GATA4: variants seen among roughly 807,000 people sequenced by gnomAD.
GATA4 encodes GATA binding protein 4, also known as transcription factor GATA-4.
In GATA4, 7 loss-of-function variants were observed where a neutral mutation model predicts 37.9. The ratio of observed to expected loss-of-function variants is 0.18; its 90% CI spans 0.11 to 0.35. GATA4 has a LOEUF of 0.35. Among genes scored for constraint, GATA4 ranks in the 10% least tolerant of loss-of-function variants. GATA4 has a pLI of 1.00. For synonymous variants in GATA4, 372 were observed against 292.6 expected (o/e 1.27, Z -2.77); for missense variants, 647 against 653.0 (o/e 0.99, Z 0.10).
At chr8:11,697,670 G>T in intron 1 of GATA4, 1 of 985,466 alleles carries the variant, frequency 1.0e-6, no homozygotes, top group Non-Finnish European at 1.2e-6. Context: ...GGGTCTTCGC[G>T]CCTGCGGACC....
At position 11,679,186 on chromosome 8, in the gene GATA4, G is replaced by T. The variant is rs1177689287; in HGVS notation, c.-274+2123G>T. 3.4e-5 allele frequency among the ~76,000 whole-genome samples: 5 copies of T among 146,508 alleles called. No homozygotes were observed. The South Asian group carries it at 1.2e-3, about 34-fold the overall frequency. On this transcript the variant is annotated intron_variant, in intron 1 of 6. Coordinates refer to the GATA4 transcript ENST00000528712. ...CAATTATCCGAATAATTGCGGGGGGGGGCACTTTCGCCTGAATTATCTAGA... is the reference window on the plus strand; with the variant it reads ...CAATTATCCGAATAATTGCGGGGGGTGGCACTTTCGCCTGAATTATCTAGA...
At chr8:11,729,511 G>T (rs1801101247) in intron 2 of GATA4, among the ~76,000 whole-genome samples, 1 of 151,452 alleles carries the variant, frequency 6.6e-6, no homozygotes, top group Admixed American at 6.6e-5. Context: ...AGAGGTTGCT[G>T]TGCCACTGCA....
intron 2 of GATA4, among the ~76,000 whole-genome samples, chr8:11,746,396 C>A (rs1203299183): frequency 2.6e-5 from 4 of 151,908 alleles, no homozygotes; most frequent in Non-Finnish European, 5.9e-5. Context: ...AAAAAGGAAA[C>A]CAGAATGGGA....
At chr8:11,691,306 G>A (rs769500247), upstream of GATA4, among the ~76,000 whole-genome samples, 1 of 152,206 alleles carries the variant, frequency 6.6e-6, no homozygotes, top group South Asian at 2.1e-4. Context: ...GGATCCTGGT[G>A]TTCCCACCCT....
chr8:11,687,790 T>C (rs1387487202), upstream of GATA4, among the ~76,000 whole-genome samples: 1 of 152,182 alleles, frequency 6.6e-6, no homozygotes, highest in East Asian at 1.9e-4. Context: ...ACAGGTTTTA[T>C]TGGGATCCCT....
chr8:11,741,543 T>G (rs1359556744), intron 2 of GATA4, among the ~76,000 whole-genome samples: 5 of 152,118 alleles, frequency 3.3e-5, no homozygotes, highest in Non-Finnish European at 7.4e-5. Context: ...TTCGCGGACT[T>G]AGCTCTATGG....
chr8:11,678,578 G>A (rs1798854902), intron 1 of GATA4, among the ~76,000 whole-genome samples: 1 of 152,136 alleles, frequency 6.6e-6, no homozygotes, highest in African/African-American at 2.4e-5. Flanking sequence ...CTGAGTTAAG[G>A]GAAAGCCGTA....
upstream of GATA4, among the ~76,000 whole-genome samples, chr8:11,703,122 C>T (rs886869821): frequency 1.3e-5 from 2 of 152,100 alleles, no homozygotes; most frequent in Non-Finnish European, 1.5e-5. Context: ...CGACCCCTTC[C>T]CCCATCCCTC....
rs979305928 is a variant in GATA4, at chr8:11,709,581, G to C, written c.616+653G>C. On this transcript the variant is annotated intron_variant, in intron 2 of 6. Coordinates refer to ENST00000532059, the MANE Select transcript of GATA4 (RefSeq NM_001308093.3). The surrounding 1 kb of genome is among the most constrained non-coding windows in gnomAD (Gnocchi z 4.3). ...GGGCGCATCATGCGGGCAGCGGGGG[G>C]GGGGGCGCACACGCCCGGTCAGTGT... Among the ~76,000 whole-genome samples the C allele has an allele frequency of 1.3e-5, 2 of 151,846 alleles. No homozygotes were observed. The highest frequency in any genetic ancestry group is 2.9e-5 in the Non-Finnish European group (2 of 67,836).
intron 1 of GATA4, chr8:11,694,581 C>T (rs1442606616): frequency 3.5e-6 from 3 of 867,336 alleles, no homozygotes; most frequent in African/African-American, 1.8e-5. Flanking sequence ...ATCATGGAAG[C>T]CAAACTGTCT....
upstream of GATA4, among the ~76,000 whole-genome samples, chr8:11,703,140 G>A (rs1385599819): frequency 6.6e-6 from 1 of 151,886 alleles, no homozygotes; most frequent in Non-Finnish European, 1.5e-5. Flanking sequence ...CTCTAATCTG[G>A]CTTGAGAAGC....
intron 1 of GATA4, among the ~76,000 whole-genome samples, chr8:11,697,049 C>T (rs533464571): frequency 3.0e-4 from 45 of 152,344 alleles, no homozygotes; most frequent in Middle Eastern, 3.4e-3. Context: ...TAGCTCTGCA[C>T]CTTCCTGAGT....
Position 11,749,689 on chromosome 8 carries a change from T to C in GATA4, c.787-422T>C, listed in dbSNP as rs1220482984. Among the ~76,000 whole-genome samples, 1 of 152,196 alleles carries C rather than the reference T, an allele frequency of 6.6e-6. No individual in the cohort carries two copies. Among genetic ancestry groups the C allele is most frequent in the East Asian group, 1.9e-4 (1 of 5,196 alleles). On this transcript the variant is annotated intron_variant, in intron 3 of 6. Coordinates refer to ENST00000532059, the MANE Select transcript of GATA4 (RefSeq NM_001308093.3). This position sits in a 1 kb window ranked among gnomAD's most constrained non-coding sequence, Gnocchi z 4.6. Reference sequence around the variant, plus strand: ...GGGATAAACCTGGTGCCTCCCTTTCTTGAGGTCCCAGGGCCATTCAGACTT... The same window carrying C: ...GGGATAAACCTGGTGCCTCCCTTTCCTGAGGTCCCAGGGCCATTCAGACTT...
intron 2 of GATA4, among the ~76,000 whole-genome samples, chr8:11,742,986 T>C (rs9644751): frequency 0.94 from 143,423 of 152,336 alleles, 68,144 homozygotes; most frequent in East Asian, 1. Context: ...GGGTCTGGCC[T>C]TTTCCAAGAA....
intron 2 of GATA4, among the ~76,000 whole-genome samples, chr8:11,723,759 A>G (rs1304590811): frequency 1.3e-5 from 2 of 152,236 alleles, no homozygotes; most frequent in Non-Finnish European, 2.9e-5. Context: ...ATTCAAATTT[A>G]GGGCTAAAAG....
At chr8:11,690,570 G>T (rs1320752880), upstream of GATA4, among the ~76,000 whole-genome samples, 1 of 152,104 alleles carries the variant, frequency 6.6e-6, no homozygotes. Flanking sequence ...ACAAAAAAAA[G>T]CTGGCCTGGT....
At chr8:11,751,409 T>C (rs1319869084) in intron 4 of GATA4, among the ~76,000 whole-genome samples, 1 of 152,164 alleles carries the variant, frequency 6.6e-6, no homozygotes, top group African/African-American at 2.4e-5. Flanking sequence ...GGTCACATGG[T>C]CACATGTATG....
chr8:11,697,872 G>C (rs1029918223), intron 1 of GATA4: 79 of 985,364 alleles, frequency 8.0e-5, no homozygotes, highest in Non-Finnish European at 8.8e-5. Context: ...TTGCGGAAAC[G>C]GGCCGAGCTG....
At chr8:11,701,220 T>C, upstream of GATA4, among the ~76,000 whole-genome samples, 1 of 141,992 alleles carries the variant, frequency 7.0e-6, no homozygotes, top group East Asian at 2.1e-4. Context: ...GACCTGACAC[T>C]GGGTCATTAG....
Sources: gnomAD v4.1 joint callset for allele counts (sites outside exome capture counted in the v4.1 genomes callset) on GRCh38, gnomAD v4.1.1 for gene constraint, Gnocchi (gnomAD v3.1) non-coding constraint, MANE v1.5 for transcripts, NCBI Gene and HGNC (gene_info 2026-07-23, HGNC 2026-07-21) for gene names.